Variants in SMYD3 observed in about 807,000 individuals in gnomAD.
SMYD3 encodes histone-lysine N-methyltransferase SMYD3.
SMYD3 carries 36 observed loss-of-function variants against 57.7 expected under a neutral mutation model. The ratio of observed to expected loss-of-function variants is 0.62; its 90% CI spans 0.48 to 0.82. The LOEUF (loss-of-function observed/expected upper bound fraction) is 0.82. SMYD3 is among the 40% of genes least tolerant of loss of function. The probability of loss-of-function intolerance (pLI) is 0.00; values close to 1 mark genes in which losing one functional copy is unlikely to be tolerated. For synonymous variants in SMYD3, 211 were observed against 195.0 expected, an observed-to-expected ratio of 1.08 and a Z score of -0.68; for missense variants, 515 against 538.8, an observed-to-expected ratio of 0.96 and a Z score of 0.44.
intron 5 of SMYD3, among the ~76,000 whole-genome samples, chr1:246,048,890 T>C (rs2153024): frequency 0.43 from 64,712 of 152,070 alleles, 17,183 homozygotes; most frequent in East Asian, 0.95. Context: ...TCACTTACCA[T>C]TGCCTGAACA....
At chr1:246,462,082 A>AG (rs2067806002) in intron 1 of SMYD3, among the ~76,000 whole-genome samples, 1 of 152,172 alleles carries the variant, frequency 6.6e-6, no homozygotes, top group South Asian at 2.1e-4. Context: ...AAAGGATAGG[A>AG]GGCATCCAGG....
intron 1 of SMYD3, among the ~76,000 whole-genome samples, chr1:246,386,405 T>C (rs992934419): frequency 6.6e-6 from 1 of 152,186 alleles, no homozygotes; most frequent in Non-Finnish European, 1.5e-5. Context: ...GAATTCAGTG[T>C]TGTCAGGAAC....
In SMYD3 at chr1:246,477,734, CCAGCTCTAT is replaced by C. The variant is rs530471685; in HGVS notation, c.164+29311_164+29319del. 1.1e-4 allele frequency among the ~76,000 whole-genome samples: 16 copies of C among 152,320 alleles called. No homozygotes were observed. The South Asian group carries it at 3.3e-3, about 32-fold the overall frequency. On this transcript the variant is annotated intron_variant, in intron 1 of 11. Coordinates refer to ENST00000490107, the MANE Select transcript of SMYD3 (RefSeq NM_001167740.2). ...TAACTGGAAAAATCAGAATTTGAGTCCAGCTCTATCAGACTCCAATGCCCAGGGCTTCTC... is the reference window on the plus strand; with the variant it reads ...TAACTGGAAAAATCAGAATTTGAGTCCAGACTCCAATGCCCAGGGCTTCTC...
At chr1:245,800,278 AG>A (rs2047791452) in intron 10 of SMYD3, among the ~76,000 whole-genome samples, 1 of 152,142 alleles carries the variant, frequency 6.6e-6, no homozygotes, top group African/African-American at 2.4e-5. Flanking sequence ...ACCTAAAAGC[AG>A]GTCCTTCCAT....
intron 5 of SMYD3, among the ~76,000 whole-genome samples, chr1:246,106,054 C>T (rs1321878112): frequency 6.6e-6 from 1 of 152,192 alleles, no homozygotes; most frequent in Non-Finnish European, 1.5e-5. Context: ...GCCCAGCATG[C>T]CAGTTTTGCT....
intron 11 of SMYD3, among the ~76,000 whole-genome samples, chr1:245,762,375 TTGCAGG>T (rs2045883959): frequency 6.6e-6 from 1 of 152,194 alleles, no homozygotes; most frequent in African/African-American, 2.4e-5. Context: ...GAACATCTAC[TTGCAGG>T]TGACCCTGTG....
At chr1:245,795,552 G>A (rs73134713) in intron 10 of SMYD3, among the ~76,000 whole-genome samples, 1 of 152,048 alleles carries the variant, frequency 6.6e-6, no homozygotes, top group Non-Finnish European at 1.5e-5. Flanking sequence ...CACTCGCTTT[G>A]AGCCTAGCTA....
chr1:246,037,594 A>G (rs995243233), intron 5 of SMYD3, among the ~76,000 whole-genome samples: 3 of 152,218 alleles, frequency 2.0e-5, no homozygotes, highest in Non-Finnish European at 4.4e-5. Flanking sequence ...CTGCTCCGGC[A>G]ATGCCGTTCT....
intron 9 of SMYD3, among the ~76,000 whole-genome samples, chr1:245,862,001 G>A (rs879323782): frequency 1.0e-5 from 1 of 96,440 alleles, no homozygotes; most frequent in Non-Finnish European, 3.2e-5. Flanking sequence ...CCCCAATACC[G>A]CTGCCAGGGA....
chr1:245,950,268 G>A (rs1042811489), intron 5 of SMYD3, among the ~76,000 whole-genome samples: 8 of 151,932 alleles, frequency 5.3e-5, no homozygotes, highest in East Asian at 1.9e-4. Context: ...TCCATCTACC[G>A]ACCCCCACAC....
intron 1 of SMYD3, among the ~76,000 whole-genome samples, chr1:246,426,910 G>GA (rs2067227272): frequency 6.6e-6 from 1 of 151,876 alleles, no homozygotes; most frequent in Non-Finnish European, 1.5e-5. Flanking sequence ...ATCCTAAAAA[G>GA]AAAATATATA....
chr1:246,080,448 T>G (rs1336565850), intron 5 of SMYD3, among the ~76,000 whole-genome samples: 1 of 152,038 alleles, frequency 6.6e-6, no homozygotes, highest in Non-Finnish European at 1.5e-5. Context: ...GTGGAACAGT[T>G]TCATCCTAAA....
Position 246,133,996 on chromosome 1 carries a change from G to A in SMYD3, c.531+193205C>T, listed in dbSNP as rs545542387. Among the ~76,000 whole-genome samples, 27 of 152,170 alleles carry A rather than the reference G, an allele frequency of 1.8e-4. No homozygotes were observed. The East Asian group carries it at 4.8e-3, about 27-fold the overall frequency. On this transcript the variant is annotated intron_variant, in intron 5 of 11. Transcript: ENST00000490107. ...ATGGTCAACTAATTAAAAGTGCATT[G>A]TATCTGGACCAGAAGAACCTATTTC...
At chr1:246,380,901 G>A (rs2066377570) in intron 1 of SMYD3, among the ~76,000 whole-genome samples, 1 of 152,226 alleles carries the variant, frequency 6.6e-6, no homozygotes, top group African/African-American at 2.4e-5. Context: ...GCTAGGGTAA[G>A]GTAAAGGCAA....
At position 246,249,825 on chromosome 1, in the gene SMYD3, A is replaced by G. The variant is rs1003077956; in HGVS notation, c.531+77376T>C. On this transcript the variant is annotated intron_variant, in intron 5 of 11. Coordinates refer to ENST00000490107, the MANE Select transcript of SMYD3 (RefSeq NM_001167740.2). ...GCTTTGGCAACTGTTCCTTAGATACAATGTTCTCCAAACTCAAAAGTTATT... is the reference window on the plus strand; with the variant it reads ...GCTTTGGCAACTGTTCCTTAGATACGATGTTCTCCAAACTCAAAAGTTATT... Among the ~76,000 whole-genome samples, 7 of 152,218 alleles carry G rather than the reference A, an allele frequency of 4.6e-5. 1 individual carries two copies. In the South Asian group the frequency reaches 6.2e-4, roughly 14 times the overall value.
At chr1:246,195,608 C>T (rs1005820912) in intron 5 of SMYD3, among the ~76,000 whole-genome samples, 25 of 151,784 alleles carry the variant, frequency 1.6e-4, no homozygotes, top group Non-Finnish European at 3.2e-4. Flanking sequence ...TGTGCGTGCA[C>T]GCGCGCACAC....
chr1:246,245,120 CTTTTTT>C (rs74163421), intron 5 of SMYD3, among the ~76,000 whole-genome samples: 3,823 of 122,982 alleles, frequency 0.031, 248 homozygotes, highest in East Asian at 0.24. Flanking sequence ...CAGCTACTGC[CTTTTTT>C]TTTTTTTTTT....
At chr1:246,204,119 T>C (rs2062960432) in intron 5 of SMYD3, among the ~76,000 whole-genome samples, 1 of 152,210 alleles carries the variant, frequency 6.6e-6, no homozygotes, top group Admixed American at 6.5e-5. Context: ...TATATTTATA[T>C]GTAATTTCCC....
At chr1:246,226,246 C>T (rs924312734) in intron 5 of SMYD3, among the ~76,000 whole-genome samples, 2 of 152,100 alleles carry the variant, frequency 1.3e-5, no homozygotes, top group Non-Finnish European at 2.9e-5. Flanking sequence ...ATACTGATAC[C>T]GAATTTCTAA....
Sources: gnomAD v4.1 joint callset for allele counts (sites outside exome capture counted in the v4.1 genomes callset) on GRCh38, gnomAD v4.1.1 for gene constraint, MANE v1.5 for transcripts, NCBI Gene and HGNC (gene_info 2026-07-23, HGNC 2026-07-21) for gene names.